The following NR1H3 variants were observed in gnomAD, a reference collection of about 807,000 sequenced individuals.
The protein encoded by NR1H3 is oxysterols receptor LXR-alpha.
NR1H3 carries 19 observed loss-of-function variants against 48.1 expected under a neutral mutation model. The ratio of observed to expected loss-of-function variants is 0.40; its 90% CI spans 0.28 to 0.58. NR1H3 has a LOEUF of 0.58. Among genes scored for constraint, NR1H3 ranks in the 20% least tolerant of loss-of-function variants. NR1H3 has a pLI of 0.50. For missense variants in NR1H3, 486 were observed against 595.9 expected (o/e 0.82, Z 1.92); for synonymous variants, 232 against 227.3 (o/e 1.02, Z -0.19).
upstream of NR1H3, among the ~76,000 whole-genome samples, chr11:47,253,134 C>CGTGCGTGTGTGTGTGTGTGT (rs369779963): frequency 6.8e-6 from 1 of 147,654 alleles, no homozygotes; most frequent in South Asian, 2.2e-4. Context: ...AATTTTTGTG[C>CGTGCGTGTGTGTGTGTGTGT]GTGTGTGTGT....
intron 7 of NR1H3, among the ~76,000 whole-genome samples, chr11:47,264,214 C>T (rs945224379): frequency 3.9e-5 from 6 of 152,154 alleles, no homozygotes; most frequent in Non-Finnish European, 8.8e-5. Flanking sequence ...AGTAGCTTAA[C>T]GACTGGATGA....
rs147944341 is a variant in NR1H3 at position 47,251,907 on chromosome 11, A to G, written c.-93+2908A>G. 2.8e-3 allele frequency among the ~76,000 whole-genome samples: 433 copies of G among 152,238 alleles called. 7 individuals carry two copies. The highest frequency in any genetic ancestry group is 0.01 in the African/African-American group (419 of 41,542). On this transcript the variant is annotated intron_variant, in intron 1 of 8. Transcript: ENST00000395397. ...ACTATTTCAGTTTTTATAGGGAGAA[A>G]CTATTCCAGGAAGGGTGGGGATTAC...
chr11:47,252,948 A>G (rs1469301685), intron 1 of NR1H3, among the ~76,000 whole-genome samples: 2 of 146,206 alleles, frequency 1.4e-5, no homozygotes, highest in Non-Finnish European at 3.0e-5. Flanking sequence ...TGAATCAGCT[A>G]AACTTGTATT....
In NR1H3 at chr11:47,259,746, G is replaced by A. The variant is rs747298528; in HGVS notation, c.44-45G>A. The A allele has an allele frequency of 5.0e-6, 8 of 1,609,744 alleles. No homozygotes were observed. The Admixed American group carries it at 5.0e-5, about 10-fold the overall frequency. On this transcript the variant is annotated intron_variant, in intron 2 of 9. Transcript: ENST00000441012. ...AGCTAGGACGCTGGGCCGTGGAGCC[G>A]GGATGGGGCCTGAGACCCCCTTGTG...
rs748428490 is a variant in NR1H3 at position 47,261,572 on chromosome 11, A to G, written c.734A>G (p.His245Arg). Residue 245 changes from histidine (H) to arginine (R), a missense_variant, in exon 6 of 10, where the codon CAT becomes CGT. Transcript: ENST00000441012. ...CCTTGGCCCATGGCACCAGATCCCC[A>G]TAGCCGGGAGGCCCGTCAGCAGCGC... ...VTPWPMAPDPHSREARQQRFA... is the reference protein window; with the variant it reads ...VTPWPMAPDPRSREARQQRFA... The G allele has an allele frequency of 1.3e-5, 21 of 1,614,074 alleles. No individual in the cohort carries two copies. Among genetic ancestry groups the G allele is most frequent in the African/African-American group, 4.0e-5 (3 of 74,930 alleles).
At position 47,268,957 on chromosome 11, in the gene NR1H3, C is replaced by G; in HGVS notation, c.*261C>G. ...CCTGGGGGCCACTTTGCACAGGGTTCTCCAGAGCCCTGCCCATCCTGCCTC... is the reference window on the plus strand; with the variant it reads ...CCTGGGGGCCACTTTGCACAGGGTTGTCCAGAGCCCTGCCCATCCTGCCTC... On this transcript the variant is annotated 3_prime_UTR_variant, in exon 10 of 10. Coordinates refer to ENST00000441012, the MANE Select transcript of NR1H3 (RefSeq NM_005693.4). 1 of 465,516 alleles carries G rather than the reference C, an allele frequency of 2.1e-6. No individual in the cohort carries two copies. The highest frequency in any genetic ancestry group is 3.9e-6 in the Non-Finnish European group (1 of 258,942). 28.8% of individuals were successfully genotyped at this position (465,516 alleles called of 1,614,324 possible).
At chr11:47,251,538 G>C (rs3758671) in intron 1 of NR1H3, among the ~76,000 whole-genome samples, 16,659 of 152,018 alleles carry the variant, frequency 0.11, 1,061 homozygotes, top group South Asian at 0.23. Context: ...CTTGAACCCA[G>C]GATACAGAGG....
upstream of NR1H3, among the ~76,000 whole-genome samples, chr11:47,255,763 G>T (rs761677233): frequency 6.6e-6 from 1 of 151,400 alleles, no homozygotes; most frequent in Non-Finnish European, 1.5e-5. Context: ...TGCCTGCCAG[G>T]TTCAAGTGAT....
Position 47,268,663 on chromosome 11 carries a change from G to T in NR1H3, c.1311G>T (p.Pro437=). ...GTCTGCAGGACAAAAAGCTCCCACC[G>T]CTGCTCTCTGAGATCTGGGATGTGC... ...ALRLQDKKLP[P]LLSEIWDVHE is the part of the protein sequence containing the mutation. Residue 437 remains proline (P), a synonymous_variant, in exon 10 of 10, where the codon CCG becomes CCT. Coordinates refer to ENST00000441012, the MANE Select transcript of NR1H3 (RefSeq NM_005693.4). 1 of 1,614,156 alleles carries T rather than the reference G, an allele frequency of 6.2e-7. No individual in the cohort carries two copies. Among genetic ancestry groups the T allele is most frequent in the South Asian group, 1.1e-5 (1 of 91,078 alleles).
upstream of NR1H3, chr11:47,257,539 C>T: frequency 5.7e-6 from 3 of 530,122 alleles, no homozygotes; most frequent in Non-Finnish European, 7.3e-6. Context: ...AGCTTCTTGG[C>T]CTCTTCCCAG....
Position 47,258,035 on chromosome 11 carries a change from C to T in NR1H3, c.-132C>T, listed in dbSNP as rs946121363. 11 of 985,382 alleles carry T rather than the reference C, an allele frequency of 1.1e-5. No homozygotes were observed. Among genetic ancestry groups the T allele is most frequent in the South Asian group, 4.7e-5 (1 of 21,282 alleles). The allele number at this position is 985,382 out of a possible 1,614,324, so 61.0% of individuals were successfully genotyped here. Reference sequence around the variant, plus strand: ...CAGCTCCAGCTCACTGGCTGGCCACCGAGACTTCTGGACAGGAAACTGCAC... The same window carrying T: ...CAGCTCCAGCTCACTGGCTGGCCACTGAGACTTCTGGACAGGAAACTGCAC... On this transcript the variant is annotated 5_prime_UTR_variant, in exon 1 of 10. Coordinates refer to ENST00000441012, the MANE Select transcript of NR1H3 (RefSeq NM_005693.4).
chr11:47,254,337 C>T (rs973291339), upstream of NR1H3, among the ~76,000 whole-genome samples: 3 of 152,198 alleles, frequency 2.0e-5, no homozygotes, highest in African/African-American at 7.2e-5. Context: ...CCAGCCATCT[C>T]TGTGACATCT....
Position 47,259,979 on chromosome 11 carries a change from G to C in NR1H3, c.232G>C (p.Glu78Gln). The C allele has an allele frequency of 6.6e-7, 1 of 1,516,302 alleles. No homozygotes were observed. The highest frequency in any genetic ancestry group is 1.3e-5 in the South Asian group (1 of 75,578). The allele number at this position is 1,516,302 out of a possible 1,614,324, so 93.9% of individuals were successfully genotyped here. A position where few individuals can be genotyped will look rare whatever the true frequency, so the allele number is the denominator to read the frequency against. The change falls in exon 3 of 10, where the codon GAG becomes CAG. Residue 78 changes from glutamate to glutamine, a missense_variant and splice_region_variant. Physicochemically the swap from Glu to Gln is conservative, Grantham distance 29. Coordinates refer to ENST00000441012, the MANE Select transcript of NR1H3 (RefSeq NM_005693.4). The stretch of plus-strand genomic sequence containing the variant: ...GGCAGAGCCCCCTTCAGAACCCACA[G>C]GTGAGGAGCTTCTGGGTTTGGAGGA... Reference protein sequence around the residue: ...TRAEPPSEPTEIRPQKRKKGP... With the variant: ...TRAEPPSEPTQIRPQKRKKGP...
At chr11:47,253,748 C>G (rs1288622618), upstream of NR1H3, among the ~76,000 whole-genome samples, 1 of 152,148 alleles carries the variant, frequency 6.6e-6, no homozygotes, top group Admixed American at 6.5e-5. Flanking sequence ...TCTGGGGGGC[C>G]AGATATGTGA....
intron 7 of NR1H3, among the ~76,000 whole-genome samples, chr11:47,264,147 G>A (rs1956219026): frequency 6.6e-6 from 1 of 152,210 alleles, no homozygotes; most frequent in Non-Finnish European, 1.5e-5. Context: ...GCCTGGGAAA[G>A]GACGGGAGGC....
chr11:47,260,807 G>A (rs534174665), intron 4 of NR1H3, 132 bp downstream of exon 4: 4 of 1,223,534 alleles, frequency 3.3e-6, no homozygotes, highest in South Asian at 1.6e-5. Flanking sequence ...TTTCTTGACC[G>A]GGCGCGGTGG....
rs144500871 is a variant in NR1H3 at position 47,259,085 on chromosome 11, T to C, written c.-37-95T>C. 6 of 1,577,758 alleles carry C rather than the reference T, an allele frequency of 3.8e-6. No homozygotes were observed. In the African/African-American group the frequency reaches 5.4e-5, roughly 14 times the overall value. On this transcript the variant is annotated intron_variant, in intron 1 of 9. Coordinates refer to ENST00000441012, the MANE Select transcript of NR1H3 (RefSeq NM_005693.4). ...GGCAAGTAAATGTTAGCTGATATTGTTGATATTGATAAAAGGGAGGATCAG... is the reference window on the plus strand; with the variant it reads ...GGCAAGTAAATGTTAGCTGATATTGCTGATATTGATAAAAGGGAGGATCAG...
At chr11:47,268,180 T>A in intron 8 of NR1H3, 81 bp from the exon 9 acceptor site, 6 of 1,337,210 alleles carry the variant, frequency 4.5e-6, no homozygotes, top group Non-Finnish European at 6.4e-6. Context: ...CTGGAGCATG[T>A]CTCTATATTT....
upstream of NR1H3, among the ~76,000 whole-genome samples, chr11:47,255,621 CTTTCTTTCTTTCTT>C (rs1955080933): frequency 1.9e-5 from 2 of 105,506 alleles, no homozygotes; most frequent in Non-Finnish European, 3.7e-5. Context: ...CTCTCTCTTT[CTTTCTTTCTTTCTT>C]TCTTTCTTTC....
Sources: allele counts gnomAD v4.1 joint callset (sites outside exome capture counted in the v4.1 genomes callset), GRCh38; gene constraint gnomAD v4.1.1; transcripts MANE v1.5; gene names NCBI Gene and HGNC (gene_info 2026-07-23, HGNC 2026-07-21).